Variants in CENPW observed in about 807,000 individuals in gnomAD.
CENPW encodes cancer-up-regulated gene 2 protein.
A neutral mutation model predicts 11.1 loss-of-function variants in CENPW; 3 were observed. The ratio of observed to expected loss-of-function variants is 0.27; its 90% confidence interval spans 0.12 to 0.70. The LOEUF is 0.70. Among genes scored for constraint, CENPW ranks in the 30% least tolerant of loss-of-function variants. The pLI is 0.77. For synonymous variants in CENPW, 38 were observed against 42.0 expected (o/e 0.91, Z 0.37); for missense variants, 100 against 105.6 (o/e 0.95, Z 0.23).
chr6:126,377,157 T>A, the CENPW span, among the ~76,000 whole-genome samples: 2,749 of 152,266 alleles, frequency 0.018, 53 homozygotes, highest in Non-Finnish European at 0.029. Context: ...GACCCAGATC[T>A]CTAGTCACAC....
the CENPW span, among the ~76,000 whole-genome samples, chr6:126,475,998 G>C: frequency 1.8e-4 from 27 of 151,640 alleles, 1 homozygote; most frequent in Admixed American, 1.3e-3. Flanking sequence ...TAATGCTACA[G>C]CTAGTAGTAG....
chr6:126,405,600 GTTA>G, the CENPW span, among the ~76,000 whole-genome samples: 1 of 151,876 alleles, frequency 6.6e-6, no homozygotes, highest in African/African-American at 2.4e-5. Flanking sequence ...TGGTAGTACA[GTTA>G]TTAGAAAAAA....
the CENPW span, among the ~76,000 whole-genome samples, chr6:126,431,556 T>C: frequency 1.3e-5 from 2 of 152,192 alleles, no homozygotes; most frequent in African/African-American, 4.8e-5. Flanking sequence ...ACCCCCTGCT[T>C]CACAATGAAG....
At chr6:126,359,386 A>T in the CENPW span, among the ~76,000 whole-genome samples, 1 of 152,000 alleles carries the variant, frequency 6.6e-6, no homozygotes, top group South Asian at 2.1e-4. Flanking sequence ...GATGAGAAGA[A>T]TGTATATGCT....
the CENPW span, among the ~76,000 whole-genome samples, chr6:126,393,005 C>G: frequency 6.6e-6 from 1 of 151,890 alleles, no homozygotes; most frequent in South Asian, 2.1e-4. Flanking sequence ...TGGATTTCTT[C>G]ATGGTTCAAT....
the CENPW span, among the ~76,000 whole-genome samples, chr6:126,354,239 G>C: frequency 2.0e-5 from 3 of 152,070 alleles, no homozygotes; most frequent in Non-Finnish European, 4.4e-5. Flanking sequence ...ATTAGTGACT[G>C]TACTAATTTC....
At chr6:126,458,861 C>T in the CENPW span, among the ~76,000 whole-genome samples, 7 of 151,254 alleles carry the variant, frequency 4.6e-5, no homozygotes, top group Admixed American at 1.3e-4. Flanking sequence ...ATATGTCTTG[C>T]TTAATTTTAC....
the CENPW span, among the ~76,000 whole-genome samples, chr6:126,384,405 C>T: frequency 3.9e-5 from 6 of 152,106 alleles, no homozygotes; most frequent in African/African-American, 9.6e-5. Flanking sequence ...AACAAAGCAT[C>T]ATGGTACTAT....
the CENPW span, among the ~76,000 whole-genome samples, chr6:126,388,155 A>G: frequency 6.6e-6 from 1 of 152,000 alleles, no homozygotes; most frequent in Non-Finnish European, 1.5e-5. Flanking sequence ...ACAACTGTTT[A>G]TTTGTCATAA....
chr6:126,413,288 A>T, the CENPW span, among the ~76,000 whole-genome samples: 6 of 152,158 alleles, frequency 3.9e-5, no homozygotes, highest in Non-Finnish European at 7.4e-5. Flanking sequence ...AAAATAGTCA[A>T]ATTGTCAAAA....
the CENPW span, among the ~76,000 whole-genome samples, chr6:126,367,097 G>T: frequency 6.6e-6 from 1 of 152,120 alleles, no homozygotes; most frequent in Admixed American, 6.5e-5. Flanking sequence ...TTTTACTATA[G>T]AATTTAAATT....
At chr6:126,377,281 C>T in the CENPW span, among the ~76,000 whole-genome samples, 7 of 152,270 alleles carry the variant, frequency 4.6e-5, no homozygotes, top group Admixed American at 3.9e-4. Flanking sequence ...CCCTAATTAA[C>T]TTTTCACTAC....
At chr6:126,426,475 T>C in the CENPW span, among the ~76,000 whole-genome samples, 1 of 152,180 alleles carries the variant, frequency 6.6e-6, no homozygotes, top group African/African-American at 2.4e-5. Flanking sequence ...GGGTAAAATA[T>C]GGTATCTTTT....
chr6:126,456,626 T>C, the CENPW span, among the ~76,000 whole-genome samples: 2 of 151,516 alleles, frequency 1.3e-5, no homozygotes, highest in African/African-American at 4.8e-5. Flanking sequence ...GAAATACCAT[T>C]CTGGACATAG....
At position 126,340,175 on chromosome 6, in the gene CENPW, T is replaced by C. The variant is rs1360228214; in HGVS notation, c.-99T>C. The C allele has an allele frequency of 3.5e-6, 4 of 1,131,790 alleles. No individual in the cohort carries two copies. The highest frequency in any genetic ancestry group is 1.5e-5 in the African/African-American group (1 of 64,542). 70.1% of individuals were successfully genotyped at this position (1,131,790 alleles called of 1,614,324 possible). On this transcript the variant is annotated 5_prime_UTR_variant, in exon 1 of 3. Transcript: ENST00000368328. ...GGTTTTTCTGCCTGAAGAAGCGTCA[T>C]ACGGACCGGATTGTTTTCGCTGGCC... is the stretch of plus-strand genomic sequence containing the variant.
chr6:126,381,196 T>G, the CENPW span, among the ~76,000 whole-genome samples: 1 of 152,236 alleles, frequency 6.6e-6, no homozygotes, highest in Non-Finnish European at 1.5e-5. Context: ...TTAACAAGTA[T>G]TGTTGAATGT....
At chr6:126,406,280 C>G in the CENPW span, among the ~76,000 whole-genome samples, 32 of 151,870 alleles carry the variant, frequency 2.1e-4, no homozygotes, top group Admixed American at 2.0e-3. Context: ...CATCCTTGCT[C>G]CCTGAGATAA....
the CENPW span, among the ~76,000 whole-genome samples, chr6:126,389,100 T>C: frequency 6.6e-6 from 1 of 151,916 alleles, no homozygotes. Flanking sequence ...AACAATCTGT[T>C]TCTTCTAACT....
At chr6:126,355,671 T>C in the CENPW span, among the ~76,000 whole-genome samples, 1 of 152,186 alleles carries the variant, frequency 6.6e-6, no homozygotes, top group African/African-American at 2.4e-5. Context: ...TAAAAGGCTA[T>C]GTTGAATATC....
Sources: gnomAD v4.1 joint callset for allele counts (sites outside exome capture counted in the v4.1 genomes callset) on GRCh38, gnomAD v4.1.1 for gene constraint, MANE v1.5 for transcripts, NCBI Gene and HGNC (gene_info 2026-07-23, HGNC 2026-07-21) for gene names.